ZNF514: variants seen among roughly 807,000 people sequenced by gnomAD.
The protein encoded by ZNF514 is zinc finger protein 514.
ZNF514 carries 12 observed loss-of-function variants against 9.7 expected under a neutral mutation model. The observed-to-expected ratio is 1.24, with a 90% CI of 0.79 to 2.01. The LOEUF is 2.01. Ranked by LOEUF, ZNF514 falls within the 30% of genes most tolerant of loss-of-function variation. The probability of loss-of-function intolerance (pLI) is 0.00; values close to 1 mark genes in which losing one functional copy is unlikely to be tolerated. For synonymous variants in ZNF514, 158 were observed against 163.7 expected (o/e 0.97, Z 0.27); for missense variants, 467 against 465.5 (o/e 1.00, Z -0.03).
chr2:95,157,384 T>C lies in ZNF514; in HGVS notation c.-40A>G. The C allele has an allele frequency of 3.1e-6, 4 of 1,289,718 alleles. No homozygotes were observed. Among genetic ancestry groups the C allele is most frequent in the Non-Finnish European group, 4.0e-6 (4 of 988,814 alleles). 79.9% of individuals were successfully genotyped at this position (1,289,718 alleles called of 1,614,324 possible). A position where few individuals can be genotyped will look rare whatever the true frequency, so the allele number is the denominator to read the frequency against. Reference sequence around the variant, plus strand: ...TGGCTTTCAGGAATGAATTGGTTGTTCCCTCTTCTCCTGGGAATCTCTCTG... The same window carrying C: ...TGGCTTTCAGGAATGAATTGGTTGTCCCCTCTTCTCCTGGGAATCTCTCTG... On this transcript the variant is annotated 5_prime_UTR_variant, in exon 2 of 5. Coordinates refer to ENST00000295208, the MANE Select transcript of ZNF514 (RefSeq NM_032788.3).
rs187048602 is a variant in ZNF514, at chr2:95,146,342, A to C, written c.*2940T>G. On this transcript the variant is annotated 3_prime_UTR_variant, in exon 5 of 5. Coordinates refer to ENST00000295208, the MANE Select transcript of ZNF514 (RefSeq NM_032788.3). ...ACTTACACAAACAAATATGTTTATG[A>C]TTACAAATGGTAAGATATGACTTCA... Among the ~76,000 whole-genome samples, 1 of 152,356 alleles carries C rather than the reference A, an allele frequency of 6.6e-6. No individual in the cohort carries two copies. Among genetic ancestry groups the C allele is most frequent in the Admixed American group, 6.5e-5 (1 of 15,300 alleles).
chr2:95,157,739 C>T (rs1673726367), intron 1 of ZNF514, among the ~76,000 whole-genome samples: 1 of 152,202 alleles, frequency 6.6e-6, no homozygotes, highest in Non-Finnish European at 1.5e-5. Context: ...GTATGCAGGT[C>T]ATCTCCTAGG....
In ZNF514 at chr2:95,146,951, T is replaced by C. The variant is rs894558425; in HGVS notation, c.*2331A>G. 3.9e-5 allele frequency among the ~76,000 whole-genome samples: 6 copies of C among 152,296 alleles called. No homozygotes were observed. Among genetic ancestry groups the C allele is most frequent in the Admixed American group, 3.3e-4 (5 of 15,294 alleles). On this transcript the variant is annotated 3_prime_UTR_variant, in exon 5 of 5. Coordinates refer to ENST00000295208, the MANE Select transcript of ZNF514 (RefSeq NM_032788.3). The stretch of plus-strand genomic sequence containing the variant: ...AGATCCAGATGCCTCCTGTGCATCC[T>C]ACCTGCCCTGGCCAACCTTGTGGAC...
At chr2:95,140,804 G>A (rs543097241), downstream of ZNF514, among the ~76,000 whole-genome samples, 24 of 151,638 alleles carry the variant, frequency 1.6e-4, no homozygotes, top group African/African-American at 4.8e-4. Flanking sequence ...GTGAAACCCC[G>A]TCTCTACTAA....
At chr2:95,137,671 T>A in the ZNF514 span, among the ~76,000 whole-genome samples, 1 of 58,652 alleles carries the variant, frequency 1.7e-5, no homozygotes, top group Non-Finnish European at 3.2e-5. Flanking sequence ...ATTGTATGTA[T>A]TATATTAATG....
In ZNF514 at chr2:95,159,752, C is replaced by CCCCGCGT. The variant is rs1360657567; in HGVS notation, c.-609_-608insACGCGGG. ...GCCCCCGCGTCCGCCCCGCGCCAGCCCCGCCTCCCGAGGCCGTCCCGAGCT... is the reference window on the plus strand; with the variant it reads ...GCCCCCGCGTCCGCCCCGCGCCAGCCCCCGCGTCCGCCTCCCGAGGCCGTCCCGAGCT... On this transcript the variant is annotated 5_prime_UTR_variant, in exon 1 of 5. Coordinates refer to ENST00000295208, the MANE Select transcript of ZNF514 (RefSeq NM_032788.3). 6.7e-6 allele frequency: 1 copy of CCCCGCGT among 148,830 alleles called. No individual in the cohort carries two copies. Among genetic ancestry groups the CCCCGCGT allele is most frequent in the African/African-American group, 2.4e-5 (1 of 40,842 alleles). The allele number at this position is 148,830 out of a possible 1,614,324, so 9.2% of individuals were successfully genotyped here.
At chr2:95,124,818 A>G in the ZNF514 span, among the ~76,000 whole-genome samples, 37 of 151,498 alleles carry the variant, frequency 2.4e-4, 1 homozygote, top group Non-Finnish European at 2.8e-4. Flanking sequence ...TCAGTTATTA[A>G]CTATTTCAAA....
At position 95,149,852 on chromosome 2, in the gene ZNF514, C is replaced by T; in HGVS notation, c.633G>A (p.Lys211=). 1 of 1,614,242 alleles carries T rather than the reference C, an allele frequency of 6.2e-7. No homozygotes were observed. Among genetic ancestry groups the T allele is most frequent in the Non-Finnish European group, 8.5e-7 (1 of 1,180,044 alleles). ...TAAGTTCTGACTGGAAGTGAAAGGA[C>T]TTCCCACACTCATTACATTTACAAG... The part of the protein sequence containing the change: ...KKSCKCNECG[K]SFHFQSELRR... Residue 211 remains lysine, a synonymous_variant, in exon 5 of 5, where the codon AAG becomes AAA. Coordinates refer to ENST00000295208, the MANE Select transcript of ZNF514 (RefSeq NM_032788.3).
chr2:95,134,148 A>AGAATCGCTTAAGCCCAGGAG, the ZNF514 span, among the ~76,000 whole-genome samples: 3 of 152,046 alleles, frequency 2.0e-5, no homozygotes, highest in Non-Finnish European at 2.9e-5. Context: ...TTTTATTGGG[A>AGAATCGCTTAAGCCCAGGAG]GTTGATAGCC....
intron 1 of ZNF514, chr2:95,158,740 C>T (rs1460061033): frequency 1.8e-6 from 2 of 1,097,706 alleles, no homozygotes; most frequent in African/African-American, 3.3e-5. Flanking sequence ...TGGCCATCCC[C>T]TCCACCTCCG....
chr2:95,132,002 G>C, the ZNF514 span, among the ~76,000 whole-genome samples: 2 of 151,876 alleles, frequency 1.3e-5, no homozygotes, highest in African/African-American at 2.4e-5. Flanking sequence ...AATTAGCCAG[G>C]CATGGTGTCA....
chr2:95,139,330 C>T, the ZNF514 span, among the ~76,000 whole-genome samples: 1 of 152,200 alleles, frequency 6.6e-6, no homozygotes, highest in Non-Finnish European at 1.5e-5. Flanking sequence ...AATGGTAGAG[C>T]CACCAGCAGC....
the ZNF514 span, among the ~76,000 whole-genome samples, chr2:95,137,499 A>G: frequency 3.3e-5 from 5 of 152,302 alleles, no homozygotes; most frequent in Admixed American, 2.6e-4. Context: ...CAGTATTTTT[A>G]GGCTGCACAC....
At chr2:95,129,672 C>T in the ZNF514 span, among the ~76,000 whole-genome samples, 1 of 152,204 alleles carries the variant, frequency 6.6e-6, no homozygotes, top group Non-Finnish European at 1.5e-5. Flanking sequence ...ACAGGGATTC[C>T]ACACCAGGAG....
In ZNF514 at chr2:95,157,429, A is replaced by G. The variant is rs1184195715; in HGVS notation, c.-85T>C. ...TCTCTGGAGGAAGAGCAGGATTCTGAGAAGGGGAAGCTGGGAAGGTAGAAG... is the reference window on the plus strand; with the variant it reads ...TCTCTGGAGGAAGAGCAGGATTCTGGGAAGGGGAAGCTGGGAAGGTAGAAG... On this transcript the variant is annotated 5_prime_UTR_variant, in exon 2 of 5. Transcript: ENST00000295208. 1.6e-6 allele frequency: 2 copies of G among 1,289,384 alleles called. No individual in the cohort carries two copies. The highest frequency in any genetic ancestry group is 5.5e-5 in the East Asian group (1 of 18,024). 79.9% of individuals were successfully genotyped at this position (1,289,384 alleles called of 1,614,324 possible). A position where few individuals can be genotyped will look rare whatever the true frequency, so the allele number is the denominator to read the frequency against.
At chr2:95,135,363 C>T in the ZNF514 span, among the ~76,000 whole-genome samples, 1 of 151,302 alleles carries the variant, frequency 6.6e-6, no homozygotes, top group Admixed American at 6.6e-5. Context: ...TTGTATTACA[C>T]ATGGAATTGT....
intron 3 of ZNF514, 36 bp downstream of exon 3, chr2:95,153,097 G>A: frequency 6.3e-7 from 1 of 1,594,322 alleles, no homozygotes; most frequent in South Asian, 1.1e-5. Flanking sequence ...AAATCAAGAA[G>A]TCCTGCTGGG....
chr2:95,152,691 G>A lies in ZNF514; in HGVS notation c.200C>T (p.Ser67Leu). The A allele has an allele frequency of 6.2e-7, 1 of 1,614,112 alleles. No homozygotes were observed. Among genetic ancestry groups the A allele is most frequent in the Non-Finnish European group, 8.5e-7 (1 of 1,179,982 alleles). ...TCACTCACCTGAGTGGGCTCCTGTTGAGATTTCTCTCTCCACCATGAAGGG... is the reference window on the plus strand; with the variant it reads ...TCACTCACCTGAGTGGGCTCCTGTTAAGATTTCTCTCTCCACCATGAAGGG... ...GEPFMVEREI[S>L]TGAHSDWKRR... The change falls in exon 4 of 5, where the codon TCA becomes TTA. Residue 67 changes from serine (S) to leucine (L), a missense_variant. Physicochemically the swap from Ser to Leu is moderately radical, Grantham distance 145. Coordinates refer to ENST00000295208, the MANE Select transcript of ZNF514 (RefSeq NM_032788.3).
At chr2:95,130,678 C>T in the ZNF514 span, among the ~76,000 whole-genome samples, 5 of 152,180 alleles carry the variant, frequency 3.3e-5, no homozygotes, top group South Asian at 4.1e-4. Context: ...CCCGGCTCAC[C>T]GGCAGTCAGA....
Sources: allele counts gnomAD v4.1 joint callset (sites outside exome capture counted in the v4.1 genomes callset), GRCh38; gene constraint gnomAD v4.1.1; transcripts MANE v1.5; gene names NCBI Gene and HGNC (gene_info 2026-07-23, HGNC 2026-07-21).